WNT9A: variants seen among roughly 807,000 people sequenced by gnomAD.
WNT9A encodes protein Wnt-9a.
Under a neutral mutation model 31.4 loss-of-function variants are expected in WNT9A, and 8 were observed. That is an observed-to-expected ratio of 0.26 (90% CI 0.15 to 0.46). The LOEUF is 0.46. Ranked by LOEUF, WNT9A falls within the 20% of genes least tolerant of loss-of-function variation. The pLI is 0.99. For synonymous variants in WNT9A, 236 were observed against 220.1 expected (o/e 1.07, Z -0.64); for missense variants, 457 against 522.9 (o/e 0.87, Z 1.23).
Position 227,926,790 on chromosome 1 carries a change from C to T in WNT9A, c.96-1271G>A, listed in dbSNP as rs76552425. On this transcript the variant is annotated intron_variant, in intron 1 of 3. Transcript: ENST00000272164. This position sits in a 1 kb window ranked among gnomAD's most constrained non-coding sequence, Gnocchi z 5.0. ...TGCCAGCTTGGGAAGGCTCCCCCCACACCCTCACATGGCCCTGCTAGACCC... is the reference window on the plus strand; with the variant it reads ...TGCCAGCTTGGGAAGGCTCCCCCCATACCCTCACATGGCCCTGCTAGACCC... Among the ~76,000 whole-genome samples, 1 of 152,054 alleles carries T rather than the reference C, an allele frequency of 6.6e-6. No individual in the cohort carries two copies. Among genetic ancestry groups the T allele is most frequent in the African/African-American group, 2.4e-5 (1 of 41,446 alleles).
At chr1:227,941,264 A>T (rs1435191253) in intron 1 of WNT9A, among the ~76,000 whole-genome samples, 1 of 152,194 alleles carries the variant, frequency 6.6e-6, no homozygotes, top group Non-Finnish European at 1.5e-5. Flanking sequence ...GAGGGCACAC[A>T]GAATGCAGCT....
chr1:227,942,503 C>T lies in WNT9A; in HGVS notation c.95+5290G>A, dbSNP rs890930216. Among the ~76,000 whole-genome samples the T allele has an allele frequency of 2.6e-5, 4 of 152,134 alleles. No individual in the cohort carries two copies. The highest frequency in any genetic ancestry group is 1.9e-4 in the East Asian group (1 of 5,176). On this transcript the variant is annotated intron_variant, in intron 1 of 3. Coordinates refer to ENST00000272164, the MANE Select transcript of WNT9A (RefSeq NM_003395.4). This position sits in a 1 kb window ranked among gnomAD's most constrained non-coding sequence, Gnocchi z 5.7. ...GTCCAGGAGTCCTGGAGAAATGCCC[C>T]GACTTTCCACTGGCCCTGTCCTCTC...
intron 1 of WNT9A, 25 bp downstream of exon 1, chr1:227,947,742 GGCCCCGCCGCCCCCGCCCACCAGTGC>G: frequency 1.1e-6 from 1 of 915,056 alleles, no homozygotes; most frequent in Non-Finnish European, 1.3e-6. Flanking sequence ...ACCCCGCCCC[GGCCCCGCCGCCCCCGCCCACCAGTGC>G]GCGCCGGCCG....
chr1:227,924,054 G>GA, intron 3 of WNT9A, 84 bp downstream of exon 3: 1 of 147,338 alleles, frequency 6.8e-6, no homozygotes, highest in Non-Finnish European at 1.2e-5. Flanking sequence ...CTGCAGCCCC[G>GA]CCCCCAGTCC....
At position 227,921,480 on chromosome 1, in the gene WNT9A, C is replaced by T; in HGVS notation, c.*38G>A. 6.3e-7 allele frequency: 1 copy of T among 1,582,384 alleles called. No individual in the cohort carries two copies. Among genetic ancestry groups the T allele is most frequent in the Non-Finnish European group, 8.6e-7 (1 of 1,162,944 alleles). ...AGACCCTTCACACCGTGTGCAATGC[C>T]TGCACCCTGTGCAGCAGGGCTGGCA... On this transcript the variant is annotated 3_prime_UTR_variant, in exon 4 of 4. Transcript: ENST00000272164.
At chr1:227,933,360 C>G (rs1179005664) in intron 1 of WNT9A, among the ~76,000 whole-genome samples, 1 of 152,230 alleles carries the variant, frequency 6.6e-6, no homozygotes, top group Admixed American at 6.5e-5. Context: ...CTGAATTAGG[C>G]TTTGGCTTAA....
chr1:227,940,068 C>T (rs991049848), intron 1 of WNT9A, among the ~76,000 whole-genome samples: 4 of 152,220 alleles, frequency 2.6e-5, no homozygotes, highest in African/African-American at 9.6e-5. Flanking sequence ...AGAAACACCC[C>T]CCTCCACCCT....
At chr1:227,924,823 T>C (rs919485959) in intron 2 of WNT9A, among the ~76,000 whole-genome samples, 5 of 152,076 alleles carry the variant, frequency 3.3e-5, no homozygotes, top group Non-Finnish European at 7.4e-5. Context: ...GTTGCTGAAA[T>C]AGGCAGTGGA....
At chr1:227,933,772 TCA>T (rs1317428127) in intron 1 of WNT9A, among the ~76,000 whole-genome samples, 1 of 152,136 alleles carries the variant, frequency 6.6e-6, no homozygotes, top group East Asian at 1.9e-4. Flanking sequence ...AGGCTGCAGC[TCA>T]CACACCACAA....
rs1483108676 is a variant in WNT9A at position 227,928,649 on chromosome 1, C to G, written c.96-3130G>C. 6.6e-6 allele frequency among the ~76,000 whole-genome samples: 1 copy of G among 152,134 alleles called. No homozygotes were observed. On this transcript the variant is annotated intron_variant, in intron 1 of 3. Coordinates refer to ENST00000272164, the MANE Select transcript of WNT9A (RefSeq NM_003395.4). The surrounding 1 kb of genome is among the most constrained non-coding windows in gnomAD (Gnocchi z 4.5). ...CAGACCACAGGCACCACAGGGCATGCTGGGGAACAGGATGGGCGATCTCAG... is the reference window on the plus strand; with the variant it reads ...CAGACCACAGGCACCACAGGGCATGGTGGGGAACAGGATGGGCGATCTCAG...
At chr1:227,935,986 CTG>C (rs1666589202) in intron 1 of WNT9A, among the ~76,000 whole-genome samples, 1 of 152,186 alleles carries the variant, frequency 6.6e-6, no homozygotes, top group African/African-American at 2.4e-5. Flanking sequence ...CAACAAGACA[CTG>C]TTTTATCAGT....
chr1:227,921,610 T>C lies in WNT9A; in HGVS notation c.1006A>G (p.Thr336Ala), dbSNP rs1558257639. The C allele has an allele frequency of 6.2e-7, 1 of 1,613,464 alleles. No homozygotes were observed. Among genetic ancestry groups the C allele is most frequent in the African/African-American group, 1.3e-5 (1 of 75,034 alleles). Residue 336 changes from threonine to alanine, a missense_variant, in exon 4 of 4, where the codon ACA (threonine) becomes GCA (alanine). Physicochemically the swap from Thr to Ala is moderately conservative, Grantham distance 58 (BLOSUM62 0). Coordinates refer to ENST00000272164, the MANE Select transcript of WNT9A (RefSeq NM_003395.4). ...CGCACCTGGCACTGGCAGGGCCTTG[T>C]CACCACCCGGCTCTGTGTGTTATGG... is the stretch of plus-strand genomic sequence containing the variant. ...RGHNTQSRVV[T>A]RPCQCQVRWC...
At chr1:227,946,912 C>T (rs1666803329) in intron 1 of WNT9A, among the ~76,000 whole-genome samples, 1 of 152,132 alleles carries the variant, frequency 6.6e-6, no homozygotes, top group African/African-American at 2.4e-5. Flanking sequence ...CGAAGGCCAG[C>T]CAGGGCTCCC....
chr1:227,921,663 T>C lies in WNT9A; in HGVS notation c.953A>G (p.Asn318Ser). Reference protein sequence around the residue: ...TAGRRCHREKNCESICCGRGH... With the variant: ...TAGRRCHREKSCESICCGRGH... ...GCGGCCACAGCAGATGCTCTCGCAG[T>C]TCTTCTCACGGTGGCACCTACGGCC... Residue 318 changes from asparagine (N) to serine (S), a missense_variant, in exon 4 of 4, where the codon AAC (asparagine) becomes AGC (serine). Transcript: ENST00000272164. 2.5e-6 allele frequency: 4 copies of C among 1,613,312 alleles called. No individual in the cohort carries two copies. The highest frequency in any genetic ancestry group is 3.4e-6 in the Non-Finnish European group (4 of 1,179,982).
rs753802461 is a variant in WNT9A, at chr1:227,921,947, T to A, written c.669A>T (p.Ser223=). ...TTCKCHGVSG[S]CTVRTCWRQL... is the part of the protein sequence containing the mutation. ...GCCGCCAGCAGGTCCGCACCGTGCA[T>A]GAGCCTGACACGCCGTGGCACTTGC... Residue 223 remains serine (S), a synonymous_variant, in exon 4 of 4, where the codon TCA becomes TCT. Transcript: ENST00000272164. The A allele has an allele frequency of 6.2e-7, 1 of 1,612,926 alleles. No individual in the cohort carries two copies. Among genetic ancestry groups the A allele is most frequent in the East Asian group, 2.2e-5 (1 of 44,868 alleles).
At chr1:227,944,322 G>T (rs1222340616) in intron 1 of WNT9A, among the ~76,000 whole-genome samples, 1 of 152,210 alleles carries the variant, frequency 6.6e-6, no homozygotes, top group Non-Finnish European at 1.5e-5. Flanking sequence ...AGGCAGACCC[G>T]TGGAGAAAGA....
At position 227,921,914 on chromosome 1, in the gene WNT9A, C is replaced by T. The variant is rs371841645; in HGVS notation, c.702G>A (p.Ala234=). 110 of 1,613,152 alleles carry T rather than the reference C, an allele frequency of 6.8e-5. No homozygotes were observed. The African/African-American group carries it at 1.0e-3, about 15-fold the overall frequency. Reference sequence around the variant, plus strand: ...GATGCTTGCCCACCTCATGGAAAGGCGCCAACTGCCGCCAGCAGGTCCGCA... The same window carrying T: ...GATGCTTGCCCACCTCATGGAAAGGTGCCAACTGCCGCCAGCAGGTCCGCA... The part of the protein sequence containing the change: ...CTVRTCWRQL[A]PFHEVGKHLK... Residue 234 remains alanine (A), a synonymous_variant, in exon 4 of 4, where the codon GCG becomes GCA. Coordinates refer to ENST00000272164, the MANE Select transcript of WNT9A (RefSeq NM_003395.4).
intron 1 of WNT9A, among the ~76,000 whole-genome samples, chr1:227,937,639 C>T (rs1666619151): frequency 6.6e-6 from 1 of 152,250 alleles, no homozygotes; most frequent in East Asian, 1.9e-4. Context: ...AGTGGCCAGT[C>T]AACCAGCCAA....
Position 227,939,483 on chromosome 1 carries a change from G to A in WNT9A, c.95+8310C>T, listed in dbSNP as rs117677894. On this transcript the variant is annotated intron_variant, in intron 1 of 3. Coordinates refer to ENST00000272164, the MANE Select transcript of WNT9A (RefSeq NM_003395.4). ...GGACCCACTCAAGACACCTTGCCCT[G>A]AGCCTGAGGGCAGCTAAACGGGCCT... Among the ~76,000 whole-genome samples the A allele has an allele frequency of 6.8e-4, 103 of 152,244 alleles. 1 individual carries two copies. The East Asian group carries it at 0.017, about 25-fold the overall frequency.
Sources: allele counts gnomAD v4.1 joint callset (sites outside exome capture counted in the v4.1 genomes callset), GRCh38; gene constraint gnomAD v4.1.1; non-coding constraint Gnocchi (gnomAD v3.1); transcripts MANE v1.5; gene names NCBI Gene and HGNC (gene_info 2026-07-23, HGNC 2026-07-21).